The following KCNIP4 variants were observed in gnomAD, a reference collection of about 807,000 sequenced individuals.
The protein encoded by KCNIP4 is potassium voltage-gated channel interacting protein 4.
Under a neutral mutation model 34.0 loss-of-function variants are expected in KCNIP4, and 12 were observed. The observed-to-expected ratio is 0.35, with a 90% CI of 0.23 to 0.57. The LOEUF (loss-of-function observed/expected upper bound fraction) is 0.57, where lower values mean the gene tolerates loss of function less well. Among genes scored for constraint, KCNIP4 ranks in the 20% least tolerant of loss-of-function variants. KCNIP4 has a pLI of 0.83. For missense variants in KCNIP4, 238 were observed against 311.7 expected (o/e 0.76, Z 1.78); for synonymous variants, 124 against 102.2 (o/e 1.21, Z -1.29).
chr4:21,594,808 G>C (rs1289472737), intron 1 of KCNIP4, among the ~76,000 whole-genome samples: 1 of 151,890 alleles, frequency 6.6e-6, no homozygotes, highest in Non-Finnish European at 1.5e-5. Flanking sequence ...GTTAAATGTG[G>C]CACAATGGAA....
At chr4:21,944,616 C>A (rs1730400277) in intron 1 of KCNIP4, among the ~76,000 whole-genome samples, 1 of 149,534 alleles carries the variant, frequency 6.7e-6, no homozygotes, top group Non-Finnish European at 1.5e-5. Flanking sequence ...GAGAATAATT[C>A]AGTGCAAGTG....
At chr4:21,569,222 A>G (rs1246533828) in intron 1 of KCNIP4, among the ~76,000 whole-genome samples, 1 of 126,674 alleles carries the variant, frequency 7.9e-6, no homozygotes, top group Non-Finnish European at 1.6e-5. Context: ...ATGCACTAGG[A>G]CACTGATATT....
chr4:21,842,168 T>A (rs938785319), intron 1 of KCNIP4, among the ~76,000 whole-genome samples: 1 of 152,136 alleles, frequency 6.6e-6, no homozygotes, highest in Non-Finnish European at 1.5e-5. Flanking sequence ...GTCTTTAAAA[T>A]TTTCAAAGTA....
At chr4:21,733,963 G>C (rs997251891) in intron 1 of KCNIP4, among the ~76,000 whole-genome samples, 6 of 152,152 alleles carry the variant, frequency 3.9e-5, no homozygotes, top group Non-Finnish European at 5.9e-5. Flanking sequence ...AGACCTTGCA[G>C]AGGTCTCTGC....
chr4:21,106,970 T>C (rs1254347458), intron 1 of KCNIP4, among the ~76,000 whole-genome samples: 1 of 150,662 alleles, frequency 6.6e-6, no homozygotes, highest in Admixed American at 6.6e-5. Flanking sequence ...AGACAGTTTG[T>C]TATAATTTCT....
At chr4:21,473,937 C>A (rs755271025) in intron 1 of KCNIP4, among the ~76,000 whole-genome samples, 13 of 152,072 alleles carry the variant, frequency 8.5e-5, no homozygotes, top group Non-Finnish European at 1.6e-4. Flanking sequence ...TGTCCTCAAA[C>A]TCCTGACCTC....
chr4:21,772,288 G>A (rs1402554817), intron 1 of KCNIP4, among the ~76,000 whole-genome samples: 5 of 152,072 alleles, frequency 3.3e-5, no homozygotes, highest in African/African-American at 1.2e-4. Flanking sequence ...TGATTGTGGT[G>A]GATAAGTTTT....
intron 1 of KCNIP4, among the ~76,000 whole-genome samples, chr4:21,390,234 G>A (rs1560358324): frequency 6.6e-6 from 1 of 151,828 alleles, no homozygotes; most frequent in African/African-American, 2.4e-5. Flanking sequence ...TGTAAAAATT[G>A]TCTCCCATTC....
At chr4:20,883,500 G>A (rs1577311336) in intron 1 of KCNIP4, among the ~76,000 whole-genome samples, 1 of 152,020 alleles carries the variant, frequency 6.6e-6, no homozygotes, top group Middle Eastern at 3.2e-3. Context: ...TTGATGTCAG[G>A]AGCCAACTAT....
In KCNIP4 at chr4:21,708,877, T is replaced by A. The variant is rs76664668; in HGVS notation, c.61+239694A>T. The stretch of plus-strand genomic sequence containing the variant: ...TACATTGCCTTTTTACAATATTTTA[T>A]AGATTAGCCAGTTAACTAATATTTA... On this transcript the variant is annotated intron_variant, in intron 1 of 8. Transcript: ENST00000382152. Among the ~76,000 whole-genome samples the A allele has an allele frequency of 1.3e-4, 20 of 152,324 alleles. No individual in the cohort carries two copies. In the East Asian group the frequency reaches 3.9e-3, roughly 29 times the overall value.
chr4:21,117,400 T>C (rs1749791601), intron 1 of KCNIP4, among the ~76,000 whole-genome samples: 2 of 147,414 alleles, frequency 1.4e-5, no homozygotes, highest in African/African-American at 4.9e-5. Flanking sequence ...TAATAAAGAG[T>C]GAATGGACAA....
At chr4:21,748,097 T>C (rs1231721464) in intron 1 of KCNIP4, among the ~76,000 whole-genome samples, 1 of 152,156 alleles carries the variant, frequency 6.6e-6, no homozygotes, top group Non-Finnish European at 1.5e-5. Context: ...AGCATAAATT[T>C]CTGTTGTTTT....
intron 2 of KCNIP4, among the ~76,000 whole-genome samples, chr4:20,857,676 T>C (rs1398183652): frequency 6.6e-6 from 1 of 150,850 alleles, no homozygotes; most frequent in Non-Finnish European, 1.5e-5. Flanking sequence ...ACTTCCCACT[T>C]TGCCACAGTC....
At chr4:20,902,880 A>G (rs1727315322) in intron 1 of KCNIP4, among the ~76,000 whole-genome samples, 1 of 152,226 alleles carries the variant, frequency 6.6e-6, no homozygotes, top group African/African-American at 2.4e-5. Flanking sequence ...TCTCTCTGGT[A>G]TGTGTAGTGG....
chr4:21,190,427 A>G (rs575783491), intron 1 of KCNIP4, among the ~76,000 whole-genome samples: 1 of 151,470 alleles, frequency 6.6e-6, no homozygotes, highest in Non-Finnish European at 1.5e-5. Context: ...GCACCGCCCA[A>G]CAAGAATGCT....
intron 1 of KCNIP4, among the ~76,000 whole-genome samples, chr4:20,893,440 T>G (rs1269871577): frequency 6.6e-6 from 1 of 152,146 alleles, no homozygotes; most frequent in African/African-American, 2.4e-5. Context: ...TTGTTTGTTT[T>G]GAGACATAAT....
chr4:21,103,961 C>T (rs1378298450), intron 1 of KCNIP4, among the ~76,000 whole-genome samples: 1 of 152,038 alleles, frequency 6.6e-6, no homozygotes, highest in Non-Finnish European at 1.5e-5. Context: ...ACATGGGCCA[C>T]ATTTTCTTAA....
At chr4:21,833,779 G>A (rs1477968567) in intron 1 of KCNIP4, among the ~76,000 whole-genome samples, 4 of 152,140 alleles carry the variant, frequency 2.6e-5, no homozygotes, top group Non-Finnish European at 5.9e-5. Context: ...TAAGGTGTAA[G>A]GAAGGGTTCC....
chr4:21,108,129 T>G (rs1748758489), intron 1 of KCNIP4, among the ~76,000 whole-genome samples: 1 of 151,516 alleles, frequency 6.6e-6, no homozygotes, highest in Non-Finnish European at 1.5e-5. Flanking sequence ...CTGTATTTCC[T>G]GTATCTGAAT....
Sources: gnomAD v4.1 joint callset for allele counts (sites outside exome capture counted in the v4.1 genomes callset) on GRCh38, gnomAD v4.1.1 for gene constraint, MANE v1.5 for transcripts, NCBI Gene and HGNC (gene_info 2026-07-23, HGNC 2026-07-21) for gene names.